SLC29A4: variants seen among roughly 807,000 people sequenced by gnomAD.
SLC29A4 encodes equilibrative nucleoside transporter 4.
A neutral mutation model predicts 43.9 loss-of-function variants in SLC29A4; 36 were observed. The ratio of observed to expected loss-of-function variants is 0.82; its 90% confidence interval spans 0.63 to 1.08. The LOEUF is 1.08. Ranked by LOEUF, SLC29A4 falls within the 50% of genes least tolerant of loss-of-function variation. The pLI is 0.00. For synonymous variants in SLC29A4, 491 were observed against 338.0 expected, an observed-to-expected ratio of 1.45 and a Z score of -4.97; for missense variants, 869 against 755.3, an observed-to-expected ratio of 1.15 and a Z score of -1.77.
intron 5 of SLC29A4, among the ~76,000 whole-genome samples, chr7:5,294,436 C>G (rs1318422833): frequency 1.3e-5 from 2 of 151,878 alleles, no homozygotes; most frequent in East Asian, 1.9e-4. Context: ...TTCCATAGAA[C>G]AAGCCTGACT....
At chr7:5,288,105 G>A in intron 2 of SLC29A4, 120 bp downstream of exon 2, 1 of 1,288,286 alleles carries the variant, frequency 7.8e-7, no homozygotes, top group South Asian at 1.6e-5. Flanking sequence ...TGGAGGCAGT[G>A]CCTGTCAGTG....
chr7:5,295,243 T>TGCGTGTGC (rs59485892), intron 6 of SLC29A4, among the ~76,000 whole-genome samples: 3,385 of 152,176 alleles, frequency 0.022, 124 homozygotes, highest in African/African-American at 0.078. Context: ...TTGGTAAGTC[T>TGCGTGTGC]GCGTGTGCGC....
intron 2 of SLC29A4, among the ~76,000 whole-genome samples, chr7:5,288,298 CTTTT>C (rs34436127): frequency 4.4e-5 from 3 of 68,756 alleles, no homozygotes; most frequent in Non-Finnish European, 7.8e-5. Context: ...CGTACAGCTT[CTTTT>C]TTTTTTTTTT....
chr7:5,302,974 C>G lies in SLC29A4; in HGVS notation c.*35C>G, dbSNP rs762949444. Reference sequence around the variant, plus strand: ...GCCCACTGCCAGGGACGCCGAGGGCCTGACCAGGGGCCCCGAGGCCTGAGG... The same window carrying G: ...GCCCACTGCCAGGGACGCCGAGGGCGTGACCAGGGGCCCCGAGGCCTGAGG... On this transcript the variant is annotated 3_prime_UTR_variant, in exon 11 of 11. Transcript: ENST00000396872. 1.3e-6 allele frequency: 2 copies of G among 1,589,890 alleles called. No individual in the cohort carries two copies. The highest frequency in any genetic ancestry group is 1.1e-5 in the South Asian group (1 of 87,616).
Position 5,302,921 on chromosome 7 carries a change from C to T in SLC29A4, c.1575C>T (p.Ser525=), listed in dbSNP as rs374912315. The change falls in exon 11 of 11, where the codon TCC becomes TCT. Residue 525 remains serine (S), a synonymous_variant. Transcript: ENST00000396872. ...TGCACGCCTCCACCGCCAATGGTTC[C>T]ATCCTCGCAGGCCTCTGAGCCAGCC... ...SCLHASTANG[S]ILAGL The T allele has an allele frequency of 4.2e-5, 68 of 1,607,626 alleles. No homozygotes were observed. The highest frequency in any genetic ancestry group is 1.2e-4 in the African/African-American group (9 of 74,816).
chr7:5,294,958 G>T (rs752213617), intron 6 of SLC29A4, 24 bp downstream of exon 6: 9 of 1,591,106 alleles, frequency 5.7e-6, no homozygotes, highest in Non-Finnish European at 7.7e-6. Flanking sequence ...GACCCCCCGG[G>T]GAGGGGGTGC....
intron 7 of SLC29A4, among the ~76,000 whole-genome samples, chr7:5,297,660 T>A (rs6463375): frequency 0.56 from 85,266 of 151,960 alleles, 24,210 homozygotes; most frequent in South Asian, 0.72. Context: ...CTCCCTAGAG[T>A]CGGGACGCCA....
At chr7:5,295,964 C>T (rs1172544785) in intron 6 of SLC29A4, among the ~76,000 whole-genome samples, 2 of 152,030 alleles carry the variant, frequency 1.3e-5, no homozygotes, top group African/African-American at 2.4e-5. Flanking sequence ...TGGCCCTGAC[C>T]CACCCTGCCT....
At chr7:5,301,261 G>GAAAAA (rs369876573) in intron 10 of SLC29A4, among the ~76,000 whole-genome samples, 2 of 146,208 alleles carry the variant, frequency 1.4e-5, no homozygotes, top group South Asian at 2.2e-4. Context: ...TCCTGTCTGG[G>GAAAAA]GAAAAAAAAA....
At chr7:5,286,538 A>AC (rs1195396035) in intron 1 of SLC29A4, among the ~76,000 whole-genome samples, 1 of 140,394 alleles carries the variant, frequency 7.1e-6, no homozygotes, top group Non-Finnish European at 1.5e-5. Flanking sequence ...AAAAAAAGAA[A>AC]AAAGAAAAAA....
chr7:5,299,195 G>A (rs778543534), intron 8 of SLC29A4, 45 bp from the exon 9 acceptor site: 2 of 1,598,572 alleles, frequency 1.3e-6, no homozygotes, highest in Non-Finnish European at 1.7e-6. Flanking sequence ...GGCAGGCAGG[G>A]GTCCCCGTGG....
chr7:5,296,712 C>A (rs1282421083), intron 6 of SLC29A4, among the ~76,000 whole-genome samples: 1 of 131,244 alleles, frequency 7.6e-6, no homozygotes, highest in Non-Finnish European at 1.6e-5. Context: ...GGTCTGGTTG[C>A]GGGAGTGGGG....
Position 5,290,647 on chromosome 7 carries a change from G to A in SLC29A4, c.170-85G>A, listed in dbSNP as rs1024135517. The A allele has an allele frequency of 2.4e-5, 36 of 1,522,006 alleles. No homozygotes were observed. The Admixed American group carries it at 2.6e-4, about 11-fold the overall frequency. 94.3% of individuals were successfully genotyped at this position (1,522,006 alleles called of 1,614,324 possible). On this transcript the variant is annotated intron_variant, in intron 2 of 10. Coordinates refer to ENST00000396872, the MANE Select transcript of SLC29A4 (RefSeq NM_153247.4). ...GATGGACAGTGGCTATGGTGATGGC[G>A]GCCGGGGTGGTGGACATCGCCCTGT...
At chr7:5,291,499 C>G (rs1424719490) in intron 4 of SLC29A4, among the ~76,000 whole-genome samples, 194 bp from the exon 5 acceptor site, 2 of 152,258 alleles carry the variant, frequency 1.3e-5, no homozygotes, top group African/African-American at 4.8e-5. Flanking sequence ...CATCCAGCTT[C>G]AAGGCCCGGC....
chr7:5,295,712 C>T lies in SLC29A4; in HGVS notation c.619+778C>T, dbSNP rs538511775. On this transcript the variant is annotated intron_variant, in intron 6 of 10. Transcript: ENST00000396872. ...CCTGGCTCGTTTCTCCCCTTGGGGGCGTTCTGCAACCCTCTGCCTGGTGCT... is the reference window on the plus strand; with the variant it reads ...CCTGGCTCGTTTCTCCCCTTGGGGGTGTTCTGCAACCCTCTGCCTGGTGCT... Among the ~76,000 whole-genome samples, 6 of 122,374 alleles carry T rather than the reference C, an allele frequency of 4.9e-5. 1 individual carries two copies. The highest frequency in any genetic ancestry group is 3.9e-4 in the Admixed American group (5 of 12,720). 80.3% of individuals were successfully genotyped at this position (122,374 alleles called of 152,430 possible).
rs1785764340 is a variant in SLC29A4 at position 5,297,230 on chromosome 7, C to G, written c.882+32C>G. The G allele has an allele frequency of 9.4e-6, 3 of 317,736 alleles. No homozygotes were observed. In the Admixed American group the frequency reaches 2.4e-4, roughly 26 times the overall value. 19.7% of individuals were successfully genotyped at this position (317,736 alleles called of 1,614,324 possible). ...GCGCACCGCCCACCTCTGTTCCCTT[C>G]TCTGTCCCCTTCTCTGTCCCCACCG... is the stretch of plus-strand genomic sequence containing the variant. On this transcript the variant is annotated intron_variant, in intron 7 of 10. Transcript: ENST00000396872.
chr7:5,299,454 G>A (rs375894108), intron 9 of SLC29A4, 27 bp downstream of exon 9: 82 of 1,598,092 alleles, frequency 5.1e-5, no homozygotes, highest in Middle Eastern at 4.1e-4. Flanking sequence ...GCCCGGTGTC[G>A]GGGGACGCCA....
At position 5,303,912 on chromosome 7, in the gene SLC29A4, G is replaced by A. The variant is rs1477200568; in HGVS notation, c.*973G>A. ...GGGATCCTAAGGGTGTCCTTCCAGA[G>A]ACGGTGTTTCCAGGGGGAGGACCGC... On this transcript the variant is annotated 3_prime_UTR_variant, in exon 11 of 11. Transcript: ENST00000396872. The A allele has an allele frequency of 6.6e-6, 1 of 152,364 alleles. No individual in the cohort carries two copies. The highest frequency in any genetic ancestry group is 2.4e-5 in the African/African-American group (1 of 41,456). The allele number at this position is 152,364 out of a possible 1,614,324, so 9.4% of individuals were successfully genotyped here.
chr7:5,297,106 C>G lies in SLC29A4; in HGVS notation c.790C>G (p.Arg264Gly). 6.2e-7 allele frequency: 1 copy of G among 1,607,354 alleles called. No individual in the cohort carries two copies. Residue 264 changes from arginine to glycine, a missense_variant, in exon 7 of 11, where the codon CGG becomes GGG. Coordinates refer to ENST00000396872, the MANE Select transcript of SLC29A4 (RefSeq NM_153247.4). ...RSRFVLFYTTRPRDSHRGRPG... is the reference protein window; with the variant it reads ...RSRFVLFYTTGPRDSHRGRPG... ...CCGCTTCGTGCTCTTCTATACCACA[C>G]GGCCGCGTGACAGCCACCGGGGCAG...
Sources: allele counts gnomAD v4.1 joint callset (sites outside exome capture counted in the v4.1 genomes callset), GRCh38; gene constraint gnomAD v4.1.1; transcripts MANE v1.5; gene names NCBI Gene and HGNC (gene_info 2026-07-23, HGNC 2026-07-21).